Variants in ROBO1 observed in about 807,000 individuals in gnomAD.
ROBO1 encodes the protein roundabout guidance receptor 1.
A neutral mutation model predicts 195.9 loss-of-function variants in ROBO1; 149 were observed. The observed-to-expected ratio is 0.76, with a 90% confidence interval of 0.67 to 0.87. The LOEUF is 0.87. Ranked by LOEUF, ROBO1 falls within the 40% of genes least tolerant of loss-of-function variation. ROBO1 has a pLI of 0.00. For synonymous variants in ROBO1, 816 were observed against 733.2 expected (o/e 1.11, Z -1.82); for missense variants, 1,933 against 2,068.3 (o/e 0.93, Z 1.27).
intron 2 of ROBO1, among the ~76,000 whole-genome samples, chr3:79,466,756 A>G (rs1937981265): frequency 1.3e-5 from 2 of 152,332 alleles, no homozygotes; most frequent in African/African-American, 2.4e-5. Context: ...CTTAAAAATG[A>G]TTTATTAATT....
At chr3:78,848,234 A>G (rs2033798375) in intron 4 of ROBO1, among the ~76,000 whole-genome samples, 1 of 152,184 alleles carries the variant, frequency 6.6e-6, no homozygotes, top group South Asian at 2.1e-4. Flanking sequence ...TTAAAAGTAG[A>G]AATTTTAAAA....
chr3:79,536,755 A>G (rs191695022), intron 2 of ROBO1, among the ~76,000 whole-genome samples: 108 of 152,304 alleles, frequency 7.1e-4, no homozygotes, highest in Non-Finnish European at 1.5e-5. Flanking sequence ...TTAAAATTCT[A>G]TGATAAAACT....
chr3:79,504,202 A>T (rs1366919413), intron 2 of ROBO1, among the ~76,000 whole-genome samples: 3 of 152,154 alleles, frequency 2.0e-5, no homozygotes, highest in African/African-American at 7.2e-5. Context: ...AAGATTCTAC[A>T]TATATCTAAT....
chr3:79,229,180 T>G (rs1217001521), intron 2 of ROBO1, among the ~76,000 whole-genome samples: 1 of 152,180 alleles, frequency 6.6e-6, no homozygotes, highest in Non-Finnish European at 1.5e-5. Flanking sequence ...AGTATGCAAT[T>G]TAAACAATTC....
chr3:79,388,651 A>G (rs1388220084), intron 2 of ROBO1, among the ~76,000 whole-genome samples: 4 of 152,160 alleles, frequency 2.6e-5, no homozygotes, highest in Non-Finnish European at 5.9e-5. Flanking sequence ...GAGCTAAATG[A>G]TATACATATG....
intron 4 of ROBO1, among the ~76,000 whole-genome samples, chr3:78,861,104 T>C (rs995764158): frequency 4.6e-5 from 7 of 152,272 alleles, no homozygotes; most frequent in African/African-American, 1.7e-4. Flanking sequence ...AATTTCCTTC[T>C]CAAATTTTTA....
chr3:78,689,525 G>GAA (rs773554272), intron 8 of ROBO1, among the ~76,000 whole-genome samples: 5 of 142,334 alleles, frequency 3.5e-5, no homozygotes, highest in African/African-American at 1.3e-4. Flanking sequence ...TCACTTCTGG[G>GAA]AAAAAAAAAA....
At chr3:79,506,687 C>T (rs550625551) in intron 2 of ROBO1, among the ~76,000 whole-genome samples, 1 of 152,182 alleles carries the variant, frequency 6.6e-6, no homozygotes, top group Non-Finnish European at 1.5e-5. Flanking sequence ...TCGTGATCCA[C>T]CCGCCTTGGC....
intron 3 of ROBO1, among the ~76,000 whole-genome samples, chr3:79,030,042 C>T (rs1416891163): frequency 1.3e-5 from 2 of 152,154 alleles, no homozygotes; most frequent in African/African-American, 4.8e-5. Context: ...CTTAGCTAGA[C>T]AAAAAGTATG....
chr3:79,406,420 G>T (rs1031519526), intron 2 of ROBO1, among the ~76,000 whole-genome samples: 1 of 151,784 alleles, frequency 6.6e-6, no homozygotes, highest in Admixed American at 6.6e-5. Flanking sequence ...GGCAGAGAGA[G>T]ATTCTGTCTC....
intron 2 of ROBO1, among the ~76,000 whole-genome samples, chr3:79,357,587 A>G (rs1327568218): frequency 1.3e-5 from 2 of 152,190 alleles, no homozygotes; most frequent in African/African-American, 2.4e-5. Flanking sequence ...GAAAACTGCA[A>G]CTACAGAGAG....
intron 5 of ROBO1, among the ~76,000 whole-genome samples, chr3:78,731,261 A>G (rs1180575396): frequency 6.6e-6 from 1 of 152,106 alleles, no homozygotes; most frequent in Non-Finnish European, 1.5e-5. Flanking sequence ...AGTGTTTTAT[A>G]TGGCTTCTAA....
At chr3:78,927,193 T>C (rs2039269863) in intron 4 of ROBO1, among the ~76,000 whole-genome samples, 1 of 152,190 alleles carries the variant, frequency 6.6e-6, no homozygotes, top group Admixed American at 6.5e-5. Context: ...TTTAAAATCT[T>C]GAATGGGCTC....
At chr3:79,209,910 A>C (rs554723006) in intron 2 of ROBO1, among the ~76,000 whole-genome samples, 2 of 152,284 alleles carry the variant, frequency 1.3e-5, no homozygotes, top group South Asian at 4.1e-4. Flanking sequence ...CAAACTGATT[A>C]TCAAATTAAG....
intron 3 of ROBO1, among the ~76,000 whole-genome samples, chr3:78,973,876 T>C (rs939970307): frequency 7.9e-5 from 12 of 152,086 alleles, no homozygotes; most frequent in Middle Eastern, 3.2e-3. Context: ...TACAGTCACA[T>C]TAAGTTTCTT....
chr3:78,996,239 A>C (rs2077361797), intron 3 of ROBO1, among the ~76,000 whole-genome samples: 1 of 151,752 alleles, frequency 6.6e-6, no homozygotes. Flanking sequence ...TAATCCCAGC[A>C]CTTTAAGAGG....
At chr3:78,960,035 G>A (rs531143881) in intron 3 of ROBO1, among the ~76,000 whole-genome samples, 14 of 152,076 alleles carry the variant, frequency 9.2e-5, no homozygotes, top group East Asian at 1.9e-4. Flanking sequence ...AGGTAACAGC[G>A]GTGCCTGTGG....
intron 2 of ROBO1, among the ~76,000 whole-genome samples, chr3:79,407,534 C>T (rs2037596145): frequency 1.3e-5 from 2 of 152,100 alleles, no homozygotes; most frequent in East Asian, 1.9e-4. Context: ...TTATTGCTTA[C>T]CTTATTTAAC....
intron 2 of ROBO1, among the ~76,000 whole-genome samples, chr3:79,468,624 G>A (rs965474573): frequency 1.3e-5 from 2 of 152,138 alleles, no homozygotes; most frequent in Non-Finnish European, 2.9e-5. Context: ...TGAAGAAAAA[G>A]AGCAATCATT....
Sources: gnomAD v4.1 joint callset for allele counts (sites outside exome capture counted in the v4.1 genomes callset) on GRCh38, gnomAD v4.1.1 for gene constraint, MANE v1.5 for transcripts, NCBI Gene and HGNC (gene_info 2026-07-23, HGNC 2026-07-21) for gene names.